Variants in GRIK2 observed in about 807,000 individuals in gnomAD.
GRIK2 encodes the protein glutamate ionotropic receptor kainate type subunit 2.
Under a neutral mutation model 100.3 loss-of-function variants are expected in GRIK2, and 32 were observed. The ratio of observed to expected loss-of-function variants is 0.32; its 90% confidence interval spans 0.24 to 0.43. The LOEUF (loss-of-function observed/expected upper bound fraction) is 0.43. GRIK2 is among the 20% of genes least tolerant of loss of function. The pLI is 1.00. For missense variants in GRIK2, 843 were observed against 1,114.9 expected (o/e 0.76, Z 3.47); for synonymous variants, 417 against 389.4 (o/e 1.07, Z -0.83).
intron 2 of GRIK2, among the ~76,000 whole-genome samples, chr6:101,610,416 G>T (rs1739983955): frequency 1.3e-5 from 2 of 151,644 alleles, no homozygotes; most frequent in South Asian, 2.1e-4. Context: ...TTAAACTCAT[G>T]ATATCTAAAT....
At position 101,735,765 on chromosome 6, in the gene GRIK2, C is replaced by T. The variant is rs140817955; in HGVS notation, c.951+49412C>T. Among the ~76,000 whole-genome samples the T allele has an allele frequency of 6.6e-4, 100 of 152,300 alleles. 1 individual carries two copies. In the East Asian group the frequency reaches 0.018, roughly 28 times the overall value. ...CCATATCATTCCTCCCCAGGCCCCT[C>T]CTAAATCTCATGCCCTCACATTTCA... On this transcript the variant is annotated intron_variant, in intron 7 of 16. Coordinates refer to ENST00000369134, the MANE Select transcript of GRIK2 (RefSeq NM_021956.5).
chr6:102,010,708 A>T lies in GRIK2; in HGVS notation c.2086-24633A>T, dbSNP rs973158105. On this transcript the variant is annotated intron_variant, in intron 14 of 16. Transcript: ENST00000369134. ...CCCTCCCTTCTTCTTAACCCATAACAATCACTTTTTTTTTTTTAATGACTC... is the reference window on the plus strand; with the variant it reads ...CCCTCCCTTCTTCTTAACCCATAACTATCACTTTTTTTTTTTTAATGACTC... Among the ~76,000 whole-genome samples, 4 of 146,956 alleles carry T rather than the reference A, an allele frequency of 2.7e-5. No homozygotes were observed. The Admixed American group carries it at 2.7e-4, about 10-fold the overall frequency.
At chr6:101,499,642 T>C (rs1773647274) in intron 2 of GRIK2, among the ~76,000 whole-genome samples, 1 of 152,158 alleles carries the variant, frequency 6.6e-6, no homozygotes, top group Non-Finnish European at 1.5e-5. Context: ...CATTTAACTT[T>C]TTTTCTGATT....
chr6:101,812,866 G>A (rs1781420148), intron 9 of GRIK2, among the ~76,000 whole-genome samples: 1 of 151,862 alleles, frequency 6.6e-6, no homozygotes, highest in South Asian at 2.1e-4. Flanking sequence ...TAGAAGACAT[G>A]AGGACACAAA....
intron 2 of GRIK2, among the ~76,000 whole-genome samples, chr6:101,497,770 A>T (rs1773524284): frequency 6.6e-6 from 1 of 152,136 alleles, no homozygotes; most frequent in Admixed American, 6.6e-5. Context: ...TTCACTTTAA[A>T]ATAAGAAATA....
At chr6:101,998,648 T>C (rs562939937) in intron 14 of GRIK2, among the ~76,000 whole-genome samples, 1 of 152,176 alleles carries the variant, frequency 6.6e-6, no homozygotes, top group South Asian at 2.1e-4. Flanking sequence ...TAATTTTTTG[T>C]ACACGATAAA....
intron 2 of GRIK2, among the ~76,000 whole-genome samples, chr6:101,433,826 A>G (rs1769560479): frequency 6.6e-6 from 1 of 152,192 alleles, no homozygotes; most frequent in Non-Finnish European, 1.5e-5. Flanking sequence ...CTGTTTGCCT[A>G]TATTTGCAGT....
At chr6:101,617,786 C>T (rs1779965155) in intron 2 of GRIK2, among the ~76,000 whole-genome samples, 1 of 151,650 alleles carries the variant, frequency 6.6e-6, no homozygotes, top group Admixed American at 6.6e-5. Flanking sequence ...GGTTTGACTG[C>T]CATTTTCTTT....
At chr6:101,395,216 C>T (rs1774956412) in intron 1 of GRIK2, among the ~76,000 whole-genome samples, 1 of 152,126 alleles carries the variant, frequency 6.6e-6, no homozygotes, top group Admixed American at 6.5e-5. Flanking sequence ...ATCTTTAATG[C>T]CATGTATAAA....
chr6:101,881,970 A>G (rs1314196622), intron 11 of GRIK2, among the ~76,000 whole-genome samples: 3 of 152,148 alleles, frequency 2.0e-5, no homozygotes, highest in Non-Finnish European at 2.9e-5. Context: ...ATTCAGTTCC[A>G]TGTGGCTGGG....
intron 7 of GRIK2, among the ~76,000 whole-genome samples, chr6:101,697,400 A>G (rs1191279028): frequency 6.6e-6 from 1 of 151,188 alleles, no homozygotes; most frequent in Non-Finnish European, 1.5e-5. Context: ...AATCATAAGA[A>G]GCTTTCATAC....
chr6:101,503,080 T>A (rs986249413), intron 2 of GRIK2, among the ~76,000 whole-genome samples: 2 of 152,192 alleles, frequency 1.3e-5, no homozygotes. Context: ...AGGAGACTAC[T>A]GTGGCATTAT....
rs566483150 is a variant in GRIK2 at position 101,558,637 on chromosome 6, C to T, written c.116-63312C>T. Reference sequence around the variant, plus strand: ...GTTGAATTGTCCAGATTTAAAACTTCTTTCCATTGGCTTTGTTCCTCCCCT... The same window carrying T: ...GTTGAATTGTCCAGATTTAAAACTTTTTTCCATTGGCTTTGTTCCTCCCCT... On this transcript the variant is annotated intron_variant, in intron 2 of 16. Coordinates refer to ENST00000369134, the MANE Select transcript of GRIK2 (RefSeq NM_021956.5). 1.1e-4 allele frequency among the ~76,000 whole-genome samples: 17 copies of T among 147,924 alleles called. No homozygotes were observed. The South Asian group carries it at 3.7e-3, about 32-fold the overall frequency.
chr6:101,826,834 G>T (rs1782367186), intron 10 of GRIK2, among the ~76,000 whole-genome samples: 1 of 151,990 alleles, frequency 6.6e-6, no homozygotes, highest in Non-Finnish European at 1.5e-5. Flanking sequence ...TAGTCACTAT[G>T]CCGAATCCTC....
intron 10 of GRIK2, among the ~76,000 whole-genome samples, chr6:101,824,286 C>G (rs1782169260): frequency 6.6e-6 from 1 of 152,066 alleles, no homozygotes; most frequent in South Asian, 2.1e-4. Flanking sequence ...CCTCACACCC[C>G]TCTTGCCCTT....
At chr6:101,701,913 C>T (rs1487404777) in intron 7 of GRIK2, among the ~76,000 whole-genome samples, 1 of 151,920 alleles carries the variant, frequency 6.6e-6, no homozygotes, top group Non-Finnish European at 1.5e-5. Context: ...TCTCTTAACC[C>T]ACCTTCCCCT....
At chr6:101,429,051 CTTACTAAACA>C (rs1769229272) in intron 2 of GRIK2, among the ~76,000 whole-genome samples, 2 of 152,206 alleles carry the variant, frequency 1.3e-5, no homozygotes. Context: ...CTGAGTCCAA[CTTACTAAACA>C]TTGTGTGTTT....
chr6:102,019,003 T>C (rs536419389), intron 14 of GRIK2, among the ~76,000 whole-genome samples: 1 of 152,222 alleles, frequency 6.6e-6, no homozygotes, highest in African/African-American at 2.4e-5. Context: ...AATAGTTTTG[T>C]ATTGTGTTTT....
intron 16 of GRIK2, among the ~76,000 whole-genome samples, chr6:102,060,303 A>T (rs1771682796): frequency 6.6e-6 from 1 of 150,836 alleles, no homozygotes; most frequent in South Asian, 2.1e-4. Context: ...GGAATAACCA[A>T]TTTGGAATAC....
Sources: allele counts gnomAD v4.1 joint callset (sites outside exome capture counted in the v4.1 genomes callset), GRCh38; gene constraint gnomAD v4.1.1; transcripts MANE v1.5; gene names NCBI Gene and HGNC (gene_info 2026-07-23, HGNC 2026-07-21).